TAFA2: variants seen among roughly 807,000 people sequenced by gnomAD.
TAFA2 encodes TAFA chemokine like family member 2.
In TAFA2, 7 loss-of-function variants were observed where a neutral mutation model predicts 18.8. The observed-to-expected ratio is 0.37, with a 90% CI of 0.21 to 0.70. The LOEUF (loss-of-function observed/expected upper bound fraction) is 0.70. Among genes scored for constraint, TAFA2 ranks in the 30% least tolerant of loss-of-function variants. TAFA2 has a pLI of 0.53. For synonymous variants in TAFA2, 60 were observed against 54.2 expected, an observed-to-expected ratio of 1.11 and a Z score of -0.47; for missense variants, 122 against 158.1, an observed-to-expected ratio of 0.77 and a Z score of 1.23.
At position 62,021,803 on chromosome 12, in the gene TAFA2, G is replaced by T. The variant is rs149670437; in HGVS notation, c.-1-154377C>A. On this transcript the variant is annotated intron_variant, in intron 1 of 4. Coordinates refer to ENST00000416284, the MANE Select transcript of TAFA2 (RefSeq NM_178539.5). ...GGCACATGGCAGTGACAATGTAATA[G>T]TTAACACGGTCTCCGCTGTGGATCA... The T allele has an allele frequency of 7.8e-4, 688 of 886,586 alleles. 1 individual carries two copies. The African/African-American group carries it at 9.7e-3, about 13-fold the overall frequency. The allele number at this position is 886,586 out of a possible 1,614,324, so 54.9% of individuals were successfully genotyped here.
At chr12:61,983,638 C>A (rs543622778) in intron 1 of TAFA2, among the ~76,000 whole-genome samples, 301 of 152,190 alleles carry the variant, frequency 2.0e-3, no homozygotes, top group Non-Finnish European at 1.7e-3. Flanking sequence ...GATCTCTTGA[C>A]CTCGTGATCC....
At chr12:61,753,532 C>A in intron 4 of TAFA2, 90 bp downstream of exon 4, 3 of 1,213,968 alleles carry the variant, frequency 2.5e-6, no homozygotes, top group Non-Finnish European at 3.5e-6. Context: ...TCTTCCATTC[C>A]ACAATTGCCA....
intron 1 of TAFA2, among the ~76,000 whole-genome samples, chr12:61,932,969 A>C (rs1877622588): frequency 6.6e-6 from 1 of 152,208 alleles, no homozygotes; most frequent in South Asian, 2.1e-4. Flanking sequence ...GTCTCCTGGA[A>C]GTACGGAACT....
At chr12:61,803,405 G>T (rs899990715) in intron 2 of TAFA2, among the ~76,000 whole-genome samples, 1 of 151,818 alleles carries the variant, frequency 6.6e-6, no homozygotes, top group South Asian at 2.1e-4. Context: ...TTCATTTAGG[G>T]TAGATAGATT....
chr12:62,090,097 T>A (rs1199993141), intron 1 of TAFA2, among the ~76,000 whole-genome samples: 2 of 152,066 alleles, frequency 1.3e-5, no homozygotes, highest in Non-Finnish European at 2.9e-5. Flanking sequence ...TGATTGCTCA[T>A]TTTACCTAAC....
At chr12:61,975,514 C>T (rs1180512764) in intron 1 of TAFA2, among the ~76,000 whole-genome samples, 12 of 136,652 alleles carry the variant, frequency 8.8e-5, no homozygotes, top group East Asian at 2.3e-4. Flanking sequence ...CAATAATATT[C>T]GTGTGTGTGT....
upstream of TAFA2, among the ~76,000 whole-genome samples, chr12:62,195,892 C>T (rs2062646836): frequency 2.0e-5 from 3 of 152,184 alleles, no homozygotes; most frequent in African/African-American, 7.2e-5. Flanking sequence ...AGCTTCGAAG[C>T]CAGGCACTGA....
At chr12:61,937,008 C>T (rs1438534295) in intron 1 of TAFA2, among the ~76,000 whole-genome samples, 2 of 152,108 alleles carry the variant, frequency 1.3e-5, no homozygotes, top group African/African-American at 2.4e-5. Context: ...ACTGCTATCA[C>T]CAACAATAAC....
intron 1 of TAFA2, among the ~76,000 whole-genome samples, chr12:61,908,976 G>C (rs937883763): frequency 1.4e-4 from 21 of 152,142 alleles, no homozygotes; most frequent in African/African-American, 4.3e-4. Context: ...GAGTGATCCA[G>C]TAGTGCAATT....
intron 1 of TAFA2, among the ~76,000 whole-genome samples, chr12:62,040,598 G>A (rs764053126): frequency 2.3e-4 from 35 of 152,090 alleles, no homozygotes; most frequent in Non-Finnish European, 3.8e-4. Flanking sequence ...CTCCTCTAGA[G>A]GCTTCGGGGA....
chr12:61,730,553 T>A (rs769518394), intron 4 of TAFA2, among the ~76,000 whole-genome samples: 1 of 152,064 alleles, frequency 6.6e-6, no homozygotes, highest in Non-Finnish European at 1.5e-5. Flanking sequence ...TAGGTGTGTC[T>A]GATCTCAGAC....
At chr12:62,101,181 A>C (rs1869184700) in intron 1 of TAFA2, among the ~76,000 whole-genome samples, 1 of 152,152 alleles carries the variant, frequency 6.6e-6, no homozygotes, top group African/African-American at 2.4e-5. Context: ...AGACCCCTCA[A>C]ATATAAGAAC....
At chr12:61,844,441 C>T (rs768086675) in intron 2 of TAFA2, among the ~76,000 whole-genome samples, 6 of 151,880 alleles carry the variant, frequency 4.0e-5, no homozygotes, top group African/African-American at 9.7e-5. Flanking sequence ...CAACAGTACA[C>T]GAGAAAAGCT....
intron 1 of TAFA2, among the ~76,000 whole-genome samples, chr12:61,971,017 A>T (rs1021440181): frequency 5.9e-5 from 9 of 151,722 alleles, no homozygotes; most frequent in African/African-American, 2.2e-4. Flanking sequence ...GAAAAAAGTT[A>T]TAAGATATAG....
upstream of TAFA2, among the ~76,000 whole-genome samples, chr12:62,194,498 T>A (rs777851882): frequency 1.3e-5 from 2 of 152,172 alleles, no homozygotes; most frequent in Non-Finnish European, 2.9e-5. Context: ...TTTTACAATA[T>A]ATGAAAAAGT....
chr12:61,725,547 T>TC (rs1260978614), intron 4 of TAFA2, among the ~76,000 whole-genome samples: 1 of 150,376 alleles, frequency 6.6e-6, no homozygotes. Context: ...GGGTGTCCTT[T>TC]CCCCACTTTA....
rs200169070 is a variant in TAFA2 at position 61,930,162 on chromosome 12, AT to A, written c.-1-62737del. On this transcript the variant is annotated intron_variant, in intron 1 of 4. Coordinates refer to ENST00000416284, the MANE Select transcript of TAFA2 (RefSeq NM_178539.5). ...CTAGAACTTTAATAATAATAAAAAA[AT>A]AAATAAATAAAAAGAAAACGGGAAG... is the stretch of plus-strand genomic sequence containing the variant. Among the ~76,000 whole-genome samples the A allele has an allele frequency of 1.4e-3, 218 of 152,188 alleles. 2 individuals are homozygous for A. The highest frequency in any genetic ancestry group is 5.0e-3 in the African/African-American group (207 of 41,496).
chr12:62,006,445 A>C (rs1880553274), intron 1 of TAFA2, among the ~76,000 whole-genome samples: 1 of 152,164 alleles, frequency 6.6e-6, no homozygotes, highest in Admixed American at 6.5e-5. Context: ...TTTAGAAATA[A>C]CTATCATGTT....
At chr12:61,882,102 A>G (rs2121273586) in intron 1 of TAFA2, among the ~76,000 whole-genome samples, 1 of 152,322 alleles carries the variant, frequency 6.6e-6, no homozygotes, top group Non-Finnish European at 1.5e-5. Flanking sequence ...AAGACGTTTA[A>G]TGTACTAATC....
Sources: gnomAD v4.1 joint callset for allele counts (sites outside exome capture counted in the v4.1 genomes callset) on GRCh38, gnomAD v4.1.1 for gene constraint, MANE v1.5 for transcripts, NCBI Gene and HGNC (gene_info 2026-07-23, HGNC 2026-07-21) for gene names.